The following TRPC7 variants were observed in gnomAD, a reference collection of about 807,000 sequenced individuals.
TRPC7 encodes the protein transient receptor potential cation channel subfamily C member 7, also known as short transient receptor potential channel 7.
Under a neutral mutation model 90.1 loss-of-function variants are expected in TRPC7, and 42 were observed. That is an observed-to-expected ratio of 0.47 (90% CI 0.36 to 0.60). TRPC7 has a LOEUF of 0.60. Among genes scored for constraint, TRPC7 ranks in the 20% least tolerant of loss-of-function variants. TRPC7 has a pLI of 0.00. For missense variants in TRPC7, 955 were observed against 1,112.3 expected, an observed-to-expected ratio of 0.86 and a Z score of 2.01; for synonymous variants, 451 against 436.3, an observed-to-expected ratio of 1.03 and a Z score of -0.42.
intron 3 of TRPC7, among the ~76,000 whole-genome samples, chr5:136,284,264 T>A (rs912389707): frequency 3.9e-5 from 6 of 152,244 alleles, no homozygotes; most frequent in African/African-American, 1.4e-4. Context: ...GCTCCCTTTG[T>A]CATCAGGGGC....
At chr5:136,313,418 T>TCTAC (rs1350540552) in intron 3 of TRPC7, among the ~76,000 whole-genome samples, 1 of 150,402 alleles carries the variant, frequency 6.6e-6, no homozygotes, top group African/African-American at 2.5e-5. Context: ...TATCTATCTA[T>TCTAC]CTGTCTATCA....
rs757655123 is a variant in TRPC7, at chr5:136,225,372, AC to A, written c.2263-19del. The A allele has an allele frequency of 1.9e-6, 3 of 1,607,568 alleles. No individual in the cohort carries two copies. The South Asian group carries it at 3.3e-5, about 18-fold the overall frequency. Reference sequence around the variant, plus strand: ...CGAGTCTTCTGGATAAAACAAACAAACCCACACACATCACACAGAAAAACAT... The same window carrying A: ...CGAGTCTTCTGGATAAAACAAACAAACCACACACATCACACAGAAAAACAT... On this transcript the variant is annotated intron_variant, in intron 9 of 11. Transcript: ENST00000513104.
At chr5:136,310,922 C>T (rs1758806186) in intron 3 of TRPC7, among the ~76,000 whole-genome samples, 1 of 152,128 alleles carries the variant, frequency 6.6e-6, no homozygotes, top group African/African-American at 2.4e-5. Flanking sequence ...TCAGATGGAA[C>T]TAATCACCCT....
intron 10 of TRPC7, among the ~76,000 whole-genome samples, chr5:136,222,351 C>T (rs1755491409): frequency 6.6e-6 from 1 of 152,184 alleles, no homozygotes; most frequent in Non-Finnish European, 1.5e-5. Flanking sequence ...CTTTTATCTT[C>T]TTGGGAACAC....
intron 7 of TRPC7, among the ~76,000 whole-genome samples, chr5:136,233,956 C>A (rs944198728): frequency 1.3e-5 from 2 of 152,162 alleles, no homozygotes; most frequent in Admixed American, 6.5e-5. Flanking sequence ...ACAGGCCTGG[C>A]TTATTAAGCA....
At chr5:136,297,478 C>A (rs1458910301) in intron 3 of TRPC7, among the ~76,000 whole-genome samples, 1 of 151,832 alleles carries the variant, frequency 6.6e-6, no homozygotes, top group Non-Finnish European at 1.5e-5. Context: ...ACTTACTGCA[C>A]AAATATACAT....
intron 5 of TRPC7, among the ~76,000 whole-genome samples, chr5:136,254,595 C>A: frequency 6.6e-6 from 1 of 152,180 alleles, no homozygotes; most frequent in East Asian, 1.9e-4. Context: ...TATTACTGCT[C>A]ATGGACAATG....
intron 3 of TRPC7, among the ~76,000 whole-genome samples, chr5:136,287,991 T>C (rs1757789041): frequency 6.6e-6 from 1 of 152,178 alleles, no homozygotes; most frequent in Admixed American, 6.5e-5. Context: ...GAAAAATTTT[T>C]AAATGCTAAG....
chr5:136,333,495 G>A (rs1759562225), intron 2 of TRPC7, among the ~76,000 whole-genome samples: 1 of 152,228 alleles, frequency 6.6e-6, no homozygotes, highest in South Asian at 2.1e-4. Context: ...TTATAACATA[G>A]GCAGTGAGGG....
In TRPC7 at chr5:136,266,206, A is replaced by C; in HGVS notation, c.1345+14T>G. 1 of 1,602,898 alleles carries C rather than the reference A, an allele frequency of 6.2e-7. No homozygotes were observed. The highest frequency in any genetic ancestry group is 1.7e-5 in the Admixed American group (1 of 60,006). On this transcript the variant is annotated intron_variant, in intron 5 of 11. Transcript: ENST00000513104. ...ATTAGCAAGGAGAGAATAAAAATAG[A>C]GTGACTTGCTTACCTAAGACCCACT... is the stretch of plus-strand genomic sequence containing the variant.
At chr5:136,235,559 C>T (rs931862222) in intron 7 of TRPC7, among the ~76,000 whole-genome samples, 2 of 152,148 alleles carry the variant, frequency 1.3e-5, no homozygotes, top group Admixed American at 1.3e-4. Context: ...ATGAGGCTCT[C>T]TGAGTTATAT....
intron 2 of TRPC7, among the ~76,000 whole-genome samples, chr5:136,334,562 G>A (rs1275513044): frequency 6.6e-6 from 1 of 152,182 alleles, no homozygotes; most frequent in African/African-American, 2.4e-5. Context: ...AAGCTCAAAA[G>A]CAACTCCAGG....
At chr5:136,214,792 T>C (rs1755207954) in intron 11 of TRPC7, among the ~76,000 whole-genome samples, 1 of 152,192 alleles carries the variant, frequency 6.6e-6, no homozygotes, top group Non-Finnish European at 1.5e-5. Flanking sequence ...CCAGGCTCTT[T>C]CTGTAGTTCC....
intron 7 of TRPC7, among the ~76,000 whole-genome samples, chr5:136,233,961 T>C (rs1283705869): frequency 6.6e-6 from 1 of 152,206 alleles, no homozygotes; most frequent in Non-Finnish European, 1.5e-5. Context: ...CCTGGCTTAT[T>C]AAGCAGTATG....
At chr5:136,299,011 A>G (rs1188673127) in intron 3 of TRPC7, among the ~76,000 whole-genome samples, 1 of 152,124 alleles carries the variant, frequency 6.6e-6, no homozygotes, top group African/African-American at 2.4e-5. Context: ...ACTTAAAAAA[A>G]AAATCAGGCT....
In TRPC7 at chr5:136,365,488, T is replaced by A; in HGVS notation, c.-234A>T. The A allele has an allele frequency of 1.8e-6, 1 of 569,622 alleles. No individual in the cohort carries two copies. The highest frequency in any genetic ancestry group is 3.1e-6 in the Non-Finnish European group (1 of 320,530). 35.3% of individuals were successfully genotyped at this position (569,622 alleles called of 1,614,324 possible). The stretch of plus-strand genomic sequence containing the variant: ...GAGGCAGAACCGTGTTACCGTCCTT[T>A]TCCTAATCGGGGGGAAATTTCCCAG... On this transcript the variant is annotated 5_prime_UTR_variant, in exon 1 of 12. It introduces an in-frame stop codon into an upstream open reading frame of the 5' UTR. Coordinates refer to ENST00000513104, the MANE Select transcript of TRPC7 (RefSeq NM_020389.3).
intron 1 of TRPC7, 85 bp from the exon 2 acceptor site, chr5:136,357,470 G>C: frequency 7.5e-7 from 1 of 1,332,718 alleles, no homozygotes; most frequent in Non-Finnish European, 1.0e-6. Flanking sequence ...GATACACAAA[G>C]AATATCATGC....
At chr5:136,307,279 C>G (rs758287287) in intron 3 of TRPC7, among the ~76,000 whole-genome samples, 1 of 152,068 alleles carries the variant, frequency 6.6e-6, no homozygotes, top group Admixed American at 6.5e-5. Flanking sequence ...TGATTGACAA[C>G]TCCCCATTCC....
At chr5:136,313,838 T>A (rs942438577) in intron 3 of TRPC7, among the ~76,000 whole-genome samples, 4 of 152,228 alleles carry the variant, frequency 2.6e-5, no homozygotes, top group Non-Finnish European at 5.9e-5. Context: ...ATTTCCCTCA[T>A]GAAACATTTT....
Sources: gnomAD v4.1 joint callset for allele counts (sites outside exome capture counted in the v4.1 genomes callset) on GRCh38, gnomAD v4.1.1 for gene constraint, MANE v1.5 for transcripts, NCBI Gene and HGNC (gene_info 2026-07-23, HGNC 2026-07-21) for gene names.